EBPL: variants seen among roughly 807,000 people sequenced by gnomAD.
The protein encoded by EBPL is emopamil-binding protein-like.
Under a neutral mutation model 19.0 loss-of-function variants are expected in EBPL, and 20 were observed. The ratio of observed to expected loss-of-function variants is 1.05; its 90% CI spans 0.74 to 1.53. The LOEUF (loss-of-function observed/expected upper bound fraction) is 1.53. Ranked by LOEUF, EBPL falls within the 40% of genes most tolerant of loss-of-function variation. The pLI is 0.00. For synonymous variants in EBPL, 107 were observed against 117.0 expected (o/e 0.91, Z 0.55); for missense variants, 219 against 261.1 (o/e 0.84, Z 1.11).
chr13:49,670,621 C>T (rs373226862), intron 1 of EBPL, among the ~76,000 whole-genome samples: 6 of 152,178 alleles, frequency 3.9e-5, no homozygotes, highest in Non-Finnish European at 8.8e-5. Flanking sequence ...GCAGTTCCCG[C>T]GGTGATTTCA....
intron 1 of EBPL, among the ~76,000 whole-genome samples, chr13:49,682,366 C>T (rs895786514): frequency 6.6e-6 from 1 of 152,228 alleles, no homozygotes; most frequent in African/African-American, 2.4e-5. Flanking sequence ...TGAAAGGAAA[C>T]CTTCCAAGGC....
chr13:49,665,631 T>C (rs1965214589), intron 2 of EBPL, among the ~76,000 whole-genome samples: 1 of 152,156 alleles, frequency 6.6e-6, no homozygotes, highest in East Asian at 1.9e-4. Flanking sequence ...GGTCTCAAAC[T>C]TAACCTCAAG....
rs535702302 is a variant in EBPL, at chr13:49,691,332, G to T, written c.93C>A (p.Arg31=). ...LLAAGCALGL[R]LGRGQGAADR... Reference sequence around the variant, plus strand: ...CCGCCGCCCCCTGCCCGCGGCCCAGGCGCAGGCCCAGGGCGCAGCCCGCCG... The same window carrying T: ...CCGCCGCCCCCTGCCCGCGGCCCAGTCGCAGGCCCAGGGCGCAGCCCGCCG... Residue 31 remains arginine (R), a synonymous_variant, in exon 1 of 4, where the codon CGC becomes CGA. Transcript: ENST00000242827. 6 of 1,372,082 alleles carry T rather than the reference G, an allele frequency of 4.4e-6. No individual in the cohort carries two copies. In the East Asian group the frequency reaches 1.5e-4, roughly 35 times the overall value. The allele number at this position is 1,372,082 out of a possible 1,614,324, so 85.0% of individuals were successfully genotyped here. A position where few individuals can be genotyped will look rare whatever the true frequency, so the allele number is the denominator to read the frequency against.
At position 49,660,757 on chromosome 13, in the gene EBPL, C is replaced by A; in HGVS notation, c.*211G>T. ...ATTAAACATTTTATTATTACAAATT[C>A]AAATTTGTTCTCTTTTCCCTATATC... On this transcript the variant is annotated 3_prime_UTR_variant, in exon 4 of 4. Transcript: ENST00000242827. 4.3e-6 allele frequency: 2 copies of A among 461,668 alleles called. No homozygotes were observed. Among genetic ancestry groups the A allele is most frequent in the Admixed American group, 3.9e-5 (1 of 25,516 alleles). The allele number at this position is 461,668 out of a possible 1,614,324, so 28.6% of individuals were successfully genotyped here.
intron 2 of EBPL, among the ~76,000 whole-genome samples, chr13:49,665,113 CTTTTT>C (rs71078878): frequency 1.5e-5 from 2 of 130,722 alleles, no homozygotes; most frequent in Non-Finnish European, 3.3e-5. Context: ...TTGACCAAGT[CTTTTT>C]TTTTTTTTTT....
At chr13:49,679,976 G>C (rs1037846655) in intron 1 of EBPL, among the ~76,000 whole-genome samples, 1 of 152,160 alleles carries the variant, frequency 6.6e-6, no homozygotes, top group Non-Finnish European at 1.5e-5. Context: ...TGACAGAGTC[G>C]CTCACCAATT....
At chr13:49,665,108 CA>C in intron 2 of EBPL, among the ~76,000 whole-genome samples, 1 of 141,636 alleles carries the variant, frequency 7.1e-6, no homozygotes, top group East Asian at 2.2e-4. Flanking sequence ...AGATATTGAC[CA>C]AGTCTTTTTT....
chr13:49,663,979 C>T (rs763788050), intron 2 of EBPL, among the ~76,000 whole-genome samples: 4 of 151,504 alleles, frequency 2.6e-5, no homozygotes, highest in African/African-American at 4.9e-5. Context: ...TGGCCAGGCA[C>T]GGTGGCTCAC....
chr13:49,678,600 C>T (rs935084418), intron 1 of EBPL, among the ~76,000 whole-genome samples: 18 of 152,324 alleles, frequency 1.2e-4, no homozygotes, highest in Middle Eastern at 3.4e-3. Flanking sequence ...ACCAAGCCAG[C>T]GCCCACCCAG....
chr13:49,678,145 G>A (rs1332752453), intron 1 of EBPL, among the ~76,000 whole-genome samples: 1 of 152,194 alleles, frequency 6.6e-6, no homozygotes, highest in Non-Finnish European at 1.5e-5. Context: ...TTTTGACAGG[G>A]TGCTGTTTGG....
chr13:49,682,362 G>A (rs1241752832), intron 1 of EBPL, among the ~76,000 whole-genome samples: 1 of 152,206 alleles, frequency 6.6e-6, no homozygotes, highest in African/African-American at 2.4e-5. Flanking sequence ...GATGTGAAAG[G>A]AAACCTTCCA....
In EBPL at chr13:49,663,164, C is replaced by T. The variant is rs1227458944; in HGVS notation, c.273G>A (p.Trp91Ter). ...WKEYGKADAR[W>*]VYFDPTIVSV... ...ACACAATGGTTGGATCAAAATAAAC[C>T]CATCTTGCATCAGCTTTGCCATATT... Residue 91 changes from tryptophan (W) to a stop codon, truncating the protein, a stop_gained, in exon 3 of 4, where the codon TGG becomes TGA. Transcript: ENST00000242827. LOFTEE classifies it high-confidence loss of function. The T allele has an allele frequency of 1.2e-6, 2 of 1,614,170 alleles. No individual in the cohort carries two copies. The highest frequency in any genetic ancestry group is 3.3e-5 in the Admixed American group (2 of 60,012).
chr13:49,688,706 G>A (rs534645489), intron 1 of EBPL, among the ~76,000 whole-genome samples: 20 of 130,406 alleles, frequency 1.5e-4, no homozygotes, highest in South Asian at 5.1e-4. Context: ...GTAATAGAGC[G>A]AGACTCCGTC....
chr13:49,669,917 G>T, intron 1 of EBPL, 71 bp from the exon 2 acceptor site: 1 of 1,179,916 alleles, frequency 8.5e-7, no homozygotes, highest in Non-Finnish European at 1.3e-6. Context: ...TAGACACATG[G>T]CATTGCCTGG....
At chr13:49,677,936 G>A (rs966666537) in intron 1 of EBPL, among the ~76,000 whole-genome samples, 2 of 152,184 alleles carry the variant, frequency 1.3e-5, no homozygotes, top group Non-Finnish European at 2.9e-5. Flanking sequence ...CAGTGTTACA[G>A]CTCACAAAGG....
intron 3 of EBPL, 131 bp downstream of exon 3, chr13:49,662,926 G>T: frequency 8.1e-7 from 1 of 1,236,626 alleles, no homozygotes; most frequent in Non-Finnish European, 1.1e-6. Flanking sequence ...GGGAGCCACC[G>T]CGCCCAGCCT....
intron 1 of EBPL, among the ~76,000 whole-genome samples, chr13:49,687,284 C>A (rs1954009107): frequency 6.6e-6 from 1 of 152,154 alleles, no homozygotes; most frequent in South Asian, 2.1e-4. Context: ...AAGTCTCTCA[C>A]AGTTAGCTTT....
intron 2 of EBPL, among the ~76,000 whole-genome samples, chr13:49,666,845 C>A (rs921737784): frequency 6.7e-6 from 1 of 149,128 alleles, no homozygotes; most frequent in Non-Finnish European, 1.5e-5. Context: ...ACTGACATTG[C>A]GCCACTGCAC....
At chr13:49,664,542 T>C (rs946543593) in intron 2 of EBPL, among the ~76,000 whole-genome samples, 1 of 152,196 alleles carries the variant, frequency 6.6e-6, no homozygotes, top group Non-Finnish European at 1.5e-5. Flanking sequence ...GGCCAGGTAT[T>C]ATGGAGGCCA....
Sources: allele counts gnomAD v4.1 joint callset (sites outside exome capture counted in the v4.1 genomes callset), GRCh38; gene constraint gnomAD v4.1.1; transcripts MANE v1.5; gene names NCBI Gene and HGNC (gene_info 2026-07-23, HGNC 2026-07-21).